Variants in MAP3K14 observed in about 807,000 individuals in gnomAD.
MAP3K14 encodes the protein mitogen-activated protein kinase kinase kinase 14.
Under a neutral mutation model 99.2 loss-of-function variants are expected in MAP3K14, and 16 were observed. The observed-to-expected ratio is 0.16, with a 90% CI of 0.11 to 0.24. The LOEUF (loss-of-function observed/expected upper bound fraction) is 0.24. Ranked by LOEUF, MAP3K14 falls within the 10% of genes least tolerant of loss-of-function variation. The pLI, the probability that MAP3K14 is intolerant of heterozygous loss-of-function variation, is 1.00. For synonymous variants in MAP3K14, 462 were observed against 492.4 expected (o/e 0.94, Z 0.82); for missense variants, 784 against 1,208.7 (o/e 0.65, Z 5.21).
At chr17:45,269,167 T>C (rs1019209637) in intron 11 of MAP3K14, among the ~76,000 whole-genome samples, 4 of 152,204 alleles carry the variant, frequency 2.6e-5, no homozygotes, top group African/African-American at 9.6e-5. Flanking sequence ...TGTGCCACCA[T>C]GCCTGGCTAA....
intron 1 of MAP3K14, among the ~76,000 whole-genome samples, chr17:45,292,276 C>T (rs1243019926): frequency 3.3e-5 from 5 of 152,184 alleles, no homozygotes; most frequent in African/African-American, 1.2e-4. Flanking sequence ...CTTAAGAAGT[C>T]TGAGGGGGCC....
intron 6 of MAP3K14, among the ~76,000 whole-genome samples, chr17:45,275,482 C>CA (rs147032902): frequency 2.6e-4 from 31 of 119,348 alleles, no homozygotes; most frequent in Admixed American, 4.3e-4. Flanking sequence ...GACTCCATCT[C>CA]AAAAAAAAAA....
Position 45,290,082 on chromosome 17 carries a change from C to T in MAP3K14, c.256+408G>A, listed in dbSNP as rs1293663383. Among the ~76,000 whole-genome samples the T allele has an allele frequency of 3.9e-5, 6 of 152,220 alleles. No homozygotes were observed. The South Asian group carries it at 1.2e-3, about 31-fold the overall frequency. ...ACGGTGCTCATTCCTGGGGGTGGGG[C>T]CACCTCTAGGTGGAAGATGGTGAAG... On this transcript the variant is annotated intron_variant, in intron 2 of 15. Transcript: ENST00000344686.
chr17:45,316,784 G>A (rs1472318900), intron 1 of MAP3K14, among the ~76,000 whole-genome samples, 176 bp downstream of exon 1: 1 of 151,736 alleles, frequency 6.6e-6, no homozygotes, highest in African/African-American at 2.4e-5. Flanking sequence ...GCGCGCCCGC[G>A]GACCGCTGCG....
chr17:45,316,719 G>A (rs1207502370), intron 1 of MAP3K14, among the ~76,000 whole-genome samples: 1 of 151,924 alleles, frequency 6.6e-6, no homozygotes, highest in Non-Finnish European at 1.5e-5. Context: ...GTGGCCAGCA[G>A]GAGTGCGCGG....
chr17:45,284,295 C>T (rs1186223334), intron 6 of MAP3K14, among the ~76,000 whole-genome samples: 1 of 152,222 alleles, frequency 6.6e-6, no homozygotes, highest in Non-Finnish European at 1.5e-5. Context: ...AGCTTCATGT[C>T]CCCAACATGT....
Position 45,267,337 on chromosome 17 carries a change from A to G in MAP3K14, c.2326+69T>C, listed in dbSNP as rs1213278025. On this transcript the variant is annotated intron_variant, in intron 12 of 15. Coordinates refer to ENST00000344686, the MANE Select transcript of MAP3K14 (RefSeq NM_003954.5). This position sits in a 1 kb window ranked among gnomAD's most constrained non-coding sequence, Gnocchi z 5.1. ...GAAAGCCCACACCGCAGGTAAAGAG[A>G]AACACCGGCCTCCGCGGGTGGCCCA... 6.0e-6 allele frequency: 9 copies of G among 1,495,416 alleles called. No homozygotes were observed. The highest frequency in any genetic ancestry group is 8.2e-6 in the Non-Finnish European group (9 of 1,100,930). The allele number at this position is 1,495,416 out of a possible 1,614,324, so 92.6% of individuals were successfully genotyped here.
chr17:45,281,695 A>G (rs1350862813), intron 6 of MAP3K14: 2 of 124,364 alleles, frequency 1.6e-5, no homozygotes, highest in African/African-American at 6.5e-5. Flanking sequence ...CCCAGGCTGG[A>G]GTGCTGTGGC....
intron 1 of MAP3K14, among the ~76,000 whole-genome samples, chr17:45,295,847 A>G (rs2044342872): frequency 6.6e-6 from 1 of 152,310 alleles, no homozygotes; most frequent in African/African-American, 2.4e-5. Flanking sequence ...CTTGTCTGTC[A>G]CCAGGCTACT....
At chr17:45,301,833 C>CTTTTTT (rs34664244) in intron 1 of MAP3K14, among the ~76,000 whole-genome samples, 3 of 134,320 alleles carry the variant, frequency 2.2e-5, no homozygotes, top group Admixed American at 1.5e-4. Flanking sequence ...TCTCAGTTCT[C>CTTTTTT]TTTTTTTTTT....
rs370433846 is a variant in MAP3K14, at chr17:45,286,489, G to A, written c.1094C>T (p.Ser365Phe). 31 of 1,604,392 alleles carry A rather than the reference G, an allele frequency of 1.9e-5. No individual in the cohort carries two copies. The highest frequency in any genetic ancestry group is 2.5e-5 in the Non-Finnish European group (29 of 1,175,368). Residue 365 changes from serine (S) to phenylalanine (F), a missense_variant, in exon 5 of 16, where the codon TCC becomes TTC. Ser to Phe is a radical substitution (Grantham distance 155). Around this residue, in one of 5 missense-constraint regions of MAP3K14, gnomAD observed 138 missense variants for 164.1 expected, o/e 0.84. Coordinates refer to ENST00000344686, the MANE Select transcript of MAP3K14 (RefSeq NM_003954.5). The surrounding 1 kb of genome is among the most constrained non-coding windows in gnomAD (Gnocchi z 4.1). Reference sequence around the variant, plus strand: ...TTTGGGGCTGGGCTCCCGGGATCTGGAGCCCCTTGCTGCCCAGGTCTTGGC... The same window carrying A: ...TTTGGGGCTGGGCTCCCGGGATCTGAAGCCCCTTGCTGCCCAGGTCTTGGC... Reference protein sequence around the residue: ...SLAKTWAARGSRSREPSPKTE... With the variant: ...SLAKTWAARGFRSREPSPKTE...
intron 14 of MAP3K14, 130 bp downstream of exon 14, chr17:45,266,407 T>C: frequency 8.0e-7 from 1 of 1,249,196 alleles, no homozygotes; most frequent in South Asian, 1.6e-5. Flanking sequence ...GAACCTCAAG[T>C]TCTGGGACCA....
intron 1 of MAP3K14, among the ~76,000 whole-genome samples, chr17:45,315,823 T>C (rs749908558): frequency 6.6e-6 from 1 of 152,160 alleles, no homozygotes; most frequent in Non-Finnish European, 1.5e-5. Flanking sequence ...CAATCTGTCT[T>C]ACCACACAGC....
intron 3 of MAP3K14, among the ~76,000 whole-genome samples, chr17:45,288,826 G>A (rs1021129897): frequency 5.3e-5 from 8 of 152,052 alleles, no homozygotes; most frequent in African/African-American, 1.9e-4. Context: ...GCATCTCCCA[G>A]GAGAAAAGGC....
intron 6 of MAP3K14, among the ~76,000 whole-genome samples, chr17:45,284,170 T>A (rs1341489400): frequency 6.6e-6 from 1 of 152,148 alleles, no homozygotes; most frequent in Non-Finnish European, 1.5e-5. Context: ...GGACAAGAAG[T>A]CTATCTTCTT....
In MAP3K14 at chr17:45,272,811, G is replaced by C. The variant is rs1385687824; in HGVS notation, c.1657+692C>G. 2.0e-5 allele frequency among the ~76,000 whole-genome samples: 3 copies of C among 151,998 alleles called. No individual in the cohort carries two copies. The highest frequency in any genetic ancestry group is 2.9e-5 in the Non-Finnish European group (2 of 67,972). On this transcript the variant is annotated intron_variant, in intron 9 of 15. Coordinates refer to ENST00000344686, the MANE Select transcript of MAP3K14 (RefSeq NM_003954.5). This position sits in a 1 kb window ranked among gnomAD's most constrained non-coding sequence, Gnocchi z 4.1. ...AAAAATTAGCTGGGCATGGTGGAAG[G>C]CGCCTGTAATCCCAGCTACTCAGGA...
At chr17:45,265,882 T>C (rs16939926) in intron 14 of MAP3K14, among the ~76,000 whole-genome samples, 5,819 of 152,332 alleles carry the variant, frequency 0.038, 165 homozygotes, top group East Asian at 0.11. Context: ...TATGGGGAAG[T>C]AGTATTTCAA....
At chr17:45,288,243 C>T (rs2044283204) in intron 3 of MAP3K14, among the ~76,000 whole-genome samples, 1 of 152,222 alleles carries the variant, frequency 6.6e-6, no homozygotes. Flanking sequence ...GAAGGAATCC[C>T]ACCAAACTGA....
intron 11 of MAP3K14, among the ~76,000 whole-genome samples, chr17:45,270,193 CGT>C (rs1252958443): frequency 3.9e-5 from 6 of 152,156 alleles, no homozygotes; most frequent in Non-Finnish European, 1.5e-5. Flanking sequence ...TTCGAGTTTG[CGT>C]GTGAGTTTTC....
Sources: allele counts gnomAD v4.1 joint callset (sites outside exome capture counted in the v4.1 genomes callset), GRCh38; gene constraint gnomAD v4.1.1; regional missense constraint gnomAD v4.1.1; non-coding constraint Gnocchi (gnomAD v3.1); transcripts MANE v1.5; gene names NCBI Gene and HGNC (gene_info 2026-07-23, HGNC 2026-07-21).